CTU2: variants seen among roughly 807,000 people sequenced by gnomAD.
CTU2 encodes cytoplasmic tRNA 2-thiolation protein 2.
Under a neutral mutation model 64.1 loss-of-function variants are expected in CTU2, and 80 were observed. The ratio of observed to expected loss-of-function variants is 1.25; its 90% CI spans 1.04 to 1.50. The LOEUF (loss-of-function observed/expected upper bound fraction) is 1.50, where lower values mean the gene tolerates loss of function less well. Ranked by LOEUF, CTU2 falls within the 40% of genes most tolerant of loss-of-function variation. The pLI, the probability that CTU2 is intolerant of heterozygous loss-of-function variation, is 0.00. For synonymous variants in CTU2, 482 were observed against 285.3 expected, an observed-to-expected ratio of 1.69 and a Z score of -6.95; for missense variants, 1,110 against 690.2, an observed-to-expected ratio of 1.61 and a Z score of -6.81.
At position 88,714,634 on chromosome 16, in the gene CTU2, A is replaced by G. The variant is rs1286773151; in HGVS notation, c.1249A>G (p.Met417Val). 10 of 1,612,384 alleles carry G rather than the reference A, an allele frequency of 6.2e-6. No individual in the cohort carries two copies. The highest frequency in any genetic ancestry group is 8.5e-6 in the Non-Finnish European group (10 of 1,179,854). Reference sequence around the variant, plus strand: ...TCAGACCTCCTCGCGTCTCTCCCAGATGCAGTCACCCATCCCCCTGACTGA... The same window carrying G: ...TCAGACCTCCTCGCGTCTCTCCCAGGTGCAGTCACCCATCCCCCTGACTGA... ...GAQTSSRLSQ[M>V]QSPIPLTETR... Residue 417 changes from methionine (M) to valine (V), a missense_variant, in exon 12 of 15, where the codon ATG becomes GTG. Physicochemically the swap from Met to Val is conservative, Grantham distance 21. Coordinates refer to ENST00000453996, the MANE Select transcript of CTU2 (RefSeq NM_001012759.3).
chr16:88,710,581 A>G, intron 4 of CTU2: 1 of 411,326 alleles, frequency 2.4e-6, no homozygotes, highest in Non-Finnish European at 4.4e-6. Flanking sequence ...AGGTGCACAA[A>G]TCAGAAGCTG....
At position 88,713,341 on chromosome 16, in the gene CTU2, C is replaced by T. The variant is rs547937138; in HGVS notation, c.767C>T (p.Ala256Val). 1.9e-4 allele frequency: 298 copies of T among 1,600,376 alleles called. 4 individuals are homozygous for T. The South Asian group carries it at 3.1e-3, about 16-fold the overall frequency. Residue 256 changes from alanine (A) to valine (V), a missense_variant, in exon 8 of 15, where the codon GCC becomes GTC. Transcript: ENST00000453996. ...CACCTGATCCTCCACATGGCCCGAG[C>T]CCACGGCTACTCCAAGGTCATGACT... ...RTHLILHMARAHGYSKVMTGD... is the reference protein window; with the variant it reads ...RTHLILHMARVHGYSKVMTGD...
In CTU2 at chr16:88,706,861, C is replaced by T. The variant is rs889989238; in HGVS notation, c.68+263C>T. On this transcript the variant is annotated intron_variant, in intron 1 of 14. Transcript: ENST00000453996. ...GTCCTTATTCGGAGAGAACTGGTGCCGTGAAGCTGTCTCGCCTCCCCGTGT... is the reference window on the plus strand; with the variant it reads ...GTCCTTATTCGGAGAGAACTGGTGCTGTGAAGCTGTCTCGCCTCCCCGTGT... 3 of 558,248 alleles carry T rather than the reference C, an allele frequency of 5.4e-6. No individual in the cohort carries two copies. In the African/African-American group the frequency reaches 5.6e-5, roughly 10 times the overall value. The allele number at this position is 558,248 out of a possible 1,614,324, so 34.6% of individuals were successfully genotyped here.
In CTU2 at chr16:88,712,852, G is replaced by C. The variant is rs149733765; in HGVS notation, c.684G>C (p.Leu228=). The C allele has an allele frequency of 6.8e-5, 107 of 1,573,974 alleles. No homozygotes were observed. The highest frequency in any genetic ancestry group is 8.4e-5 in the Non-Finnish European group (98 of 1,160,710). ...APAQTEALSQ[L]FCSVRTLTAK... ...CCCAGACTGAGGCTCTTTCCCAACT[G>C]TTCTGCTCAGTGAGGACACTGACTG... The change falls in exon 7 of 15, where the codon CTG becomes CTC. Residue 228 remains leucine, a synonymous_variant. Coordinates refer to ENST00000453996, the MANE Select transcript of CTU2 (RefSeq NM_001012759.3).
At chr16:88,708,789 A>T (rs1911100485) in intron 2 of CTU2, among the ~76,000 whole-genome samples, 1 of 152,122 alleles carries the variant, frequency 6.6e-6, no homozygotes, top group African/African-American at 2.4e-5. Context: ...TTGCAGTGGC[A>T]TTGTCCGCTC....
At chr16:88,713,884 C>G (rs188765842) in intron 9 of CTU2, 106 bp downstream of exon 9, 25 of 1,463,562 alleles carry the variant, frequency 1.7e-5, no homozygotes, top group Non-Finnish European at 2.2e-5. Flanking sequence ...CCTTCAGTGA[C>G]TCCTGCTGTG....
chr16:88,706,650 C>G lies in CTU2; in HGVS notation c.68+52C>G, dbSNP rs1405813449. 8 of 1,290,798 alleles carry G rather than the reference C, an allele frequency of 6.2e-6. No individual in the cohort carries two copies. The East Asian group carries it at 2.5e-4, about 40-fold the overall frequency. 80.0% of individuals were successfully genotyped at this position (1,290,798 alleles called of 1,614,324 possible). A position where few individuals can be genotyped will look rare whatever the true frequency, so the allele number is the denominator to read the frequency against. On this transcript the variant is annotated intron_variant, in intron 1 of 14. Transcript: ENST00000453996. ...GGCCGCCCCTCGCCTTCCCGCCGCA[C>G]TCCTGCCCCGAAGGGTCCCGGCCGG... is the stretch of plus-strand genomic sequence containing the variant.
chr16:88,715,337 C>T lies in CTU2; in HGVS notation c.*86C>T, dbSNP rs947419412. On this transcript the variant is annotated 3_prime_UTR_variant, in exon 15 of 15. Transcript: ENST00000453996. ...CGGAAGGCAAGGACGGGGGACTGGC[C>T]TCTGATTGTCCATTTGTATAAATAA... is the stretch of plus-strand genomic sequence containing the variant. 46 of 1,346,600 alleles carry T rather than the reference C, an allele frequency of 3.4e-5. No homozygotes were observed. In the African/African-American group the frequency reaches 4.8e-4, roughly 14 times the overall value. 83.4% of individuals were successfully genotyped at this position (1,346,600 alleles called of 1,614,324 possible).
intron 6 of CTU2, 52 bp from the exon 7 acceptor site, chr16:88,712,570 G>C (rs1011731997): frequency 1.9e-6 from 3 of 1,582,812 alleles, no homozygotes; most frequent in East Asian, 2.2e-5. Context: ...CTGTCTGTGG[G>C]GGGCACCTGC....
intron 8 of CTU2, 24 bp from the exon 9 acceptor site, chr16:88,713,623 C>A: frequency 2.5e-6 from 4 of 1,607,360 alleles, no homozygotes; most frequent in Non-Finnish European, 3.4e-6. Context: ...TTGACCTGGA[C>A]CACACAGCCC....
chr16:88,711,328 G>GC (rs957969875), intron 4 of CTU2, among the ~76,000 whole-genome samples: 4 of 152,208 alleles, frequency 2.6e-5, no homozygotes, highest in African/African-American at 7.2e-5. Flanking sequence ...TGGCACAGTG[G>GC]CCCCGTAACC....
At chr16:88,707,078 T>TG (rs1567644012) in intron 1 of CTU2, 58 bp from the exon 2 acceptor site, 2 of 1,538,208 alleles carry the variant, frequency 1.3e-6, no homozygotes, top group East Asian at 4.5e-5. Flanking sequence ...CAAAGCCCAC[T>TG]AGGCGTGGGG....
intron 2 of CTU2, among the ~76,000 whole-genome samples, chr16:88,707,633 G>A (rs1910982046): frequency 6.6e-6 from 1 of 152,152 alleles, no homozygotes; most frequent in Non-Finnish European, 1.5e-5. Context: ...GCAGGATAGA[G>A]GCTTGGAAGA....
At chr16:88,713,570 C>CT (rs1911556862) in intron 8 of CTU2, 77 bp from the exon 9 acceptor site, 1 of 1,569,074 alleles carries the variant, frequency 6.4e-7, no homozygotes, top group South Asian at 1.2e-5. Context: ...GGTCTGTGAC[C>CT]TCCCCTACCT....
intron 5 of CTU2, 60 bp downstream of exon 5, chr16:88,711,755 T>A: frequency 6.7e-7 from 1 of 1,503,678 alleles, no homozygotes; most frequent in Non-Finnish European, 9.1e-7. Flanking sequence ...CTGCGGATCC[T>A]CCCTCTGGTG....
chr16:88,709,984 G>T lies in CTU2; in HGVS notation c.190G>T (p.Gly64Cys). ...FYVHKFRAML[G>C]KNRLIFPGEK... ...CGTCCACAAGTTCAGAGCCATGCTG[G>T]GCAAGAACCGGCTCATCTTTCCAGG... Residue 64 changes from glycine to cysteine, a missense_variant, in exon 3 of 15, where the codon GGC becomes TGC. Gly to Cys is a radical substitution (Grantham distance 159). Transcript: ENST00000453996. 6.2e-7 allele frequency: 1 copy of T among 1,613,906 alleles called. No homozygotes were observed. The highest frequency in any genetic ancestry group is 8.5e-7 in the Non-Finnish European group (1 of 1,180,006).
At chr16:88,711,555 C>A in intron 4 of CTU2, 80 bp from the exon 5 acceptor site, 1 of 1,350,864 alleles carries the variant, frequency 7.4e-7, no homozygotes, top group Non-Finnish European at 1.0e-6. Context: ...GCATTAAATC[C>A]AGATGAAGAA....
Position 88,712,833 on chromosome 16 carries a change from C to T in CTU2, c.665C>T (p.Thr222Ile), listed in dbSNP as rs771527015. ...NLARPPAPAQ[T>I]EALSQLFCSV... ...GCAAGACCGCCTGCCCCTGCCCAGA[C>T]TGAGGCTCTTTCCCAACTGTTCTGC... The change falls in exon 7 of 15, where the codon ACT becomes ATT. Residue 222 changes from threonine to isoleucine, a missense_variant. Transcript: ENST00000453996. 1 of 1,591,230 alleles carries T rather than the reference C, an allele frequency of 6.3e-7. No individual in the cohort carries two copies. Among genetic ancestry groups the T allele is most frequent in the South Asian group, 1.1e-5 (1 of 88,064 alleles).
intron 2 of CTU2, among the ~76,000 whole-genome samples, chr16:88,708,694 A>T (rs1274359200): frequency 6.6e-6 from 1 of 152,122 alleles, no homozygotes; most frequent in Non-Finnish European, 1.5e-5. Flanking sequence ...CGTGGTATCC[A>T]TTCAACGTAG....
Sources: allele counts gnomAD v4.1 joint callset (sites outside exome capture counted in the v4.1 genomes callset), GRCh38; gene constraint gnomAD v4.1.1; transcripts MANE v1.5; gene names NCBI Gene and HGNC (gene_info 2026-07-23, HGNC 2026-07-21).